Variants in TGFBR3 observed in about 807,000 individuals in gnomAD.
The protein encoded by TGFBR3 is transforming growth factor beta receptor 3.
Under a neutral mutation model 87.9 loss-of-function variants are expected in TGFBR3, and 46 were observed. That is an observed-to-expected ratio of 0.52 (90% confidence interval 0.41 to 0.67). TGFBR3 has a LOEUF of 0.67. Among genes scored for constraint, TGFBR3 ranks in the 30% least tolerant of loss-of-function variants. The probability of loss-of-function intolerance (pLI) is 0.00; values close to 1 mark genes in which losing one functional copy is unlikely to be tolerated. For missense variants in TGFBR3, 866 were observed against 1,041.9 expected (o/e 0.83, Z 2.32); for synonymous variants, 381 against 391.6 (o/e 0.97, Z 0.32).
At position 91,885,908 on chromosome 1, in the gene TGFBR3, C is replaced by T. The variant is rs923598556; in HGVS notation, c.-144G>A. On this transcript the variant is annotated 5_prime_UTR_variant, in exon 1 of 17. In the 5' UTR this introduces an upstream ATG that the reference lacks. Transcript: ENST00000212355. ...AGGCGGTGTGTCCAGCGGAGATCCACCCGCAGCAAGTTGGAGGAAAGCGGC... is the reference window on the plus strand; with the variant it reads ...AGGCGGTGTGTCCAGCGGAGATCCATCCGCAGCAAGTTGGAGGAAAGCGGC... 2.3e-6 allele frequency: 1 copy of T among 432,280 alleles called. No individual in the cohort carries two copies. Among genetic ancestry groups the T allele is most frequent in the African/African-American group, 2.0e-5 (1 of 49,640 alleles). The allele number at this position is 432,280 out of a possible 1,614,324, so 26.8% of individuals were successfully genotyped here. A position where few individuals can be genotyped will look rare whatever the true frequency, so the allele number is the denominator to read the frequency against.
intron 4 of TGFBR3, among the ~76,000 whole-genome samples, chr1:91,735,583 C>T (rs1043096299): frequency 6.6e-6 from 1 of 152,194 alleles, no homozygotes; most frequent in African/African-American, 2.4e-5. Flanking sequence ...GTAAGACCCC[C>T]AAATTCCCAT....
intron 1 of TGFBR3, among the ~76,000 whole-genome samples, chr1:91,884,742 A>G (rs1195508240): frequency 6.6e-6 from 1 of 152,240 alleles, no homozygotes; most frequent in Non-Finnish European, 1.5e-5. Context: ...GGGCTTAGAA[A>G]ACGTTAGCTG....
Position 91,716,608 on chromosome 1 carries a change from T to C in TGFBR3, c.1667A>G (p.Glu556Gly), listed in dbSNP as rs1370826989. 1.2e-6 allele frequency: 2 copies of C among 1,614,160 alleles called. No homozygotes were observed. Among genetic ancestry groups the C allele is most frequent in the Admixed American group, 3.3e-5 (2 of 60,020 alleles). The change falls in exon 11 of 17, where the codon GAA (glutamate) becomes GGA (glycine). Residue 556 changes from glutamate (E) to glycine (G), a missense_variant. Transcript: ENST00000212355. ...GDNGFPGDMD[E>G]GDASLFTRPE... The stretch of plus-strand genomic sequence containing the variant: ...TCGGGTGAACAGGGAAGCATCTCCT[T>C]CATCCATATCTCCCGGAAATCCATT...
Position 91,719,335 on chromosome 1 carries a change from C to G in TGFBR3, c.1543G>C (p.Asp515His). ...CGTRPRWSAL[D>H]GVVYYNSIVI... ...ACGGAGTTATAGTAGACCACACCAT[C>G]AAGGGCTGACCACCGGGGCCGAGTA... is the stretch of plus-strand genomic sequence containing the variant. Residue 515 changes from aspartate to histidine, a missense_variant, in exon 10 of 17, where the codon GAT becomes CAT. Asp to His is a moderately conservative substitution (Grantham distance 81, BLOSUM62 -1). Transcript: ENST00000212355. The G allele has an allele frequency of 1.2e-6, 2 of 1,614,104 alleles. No homozygotes were observed. Among genetic ancestry groups the G allele is most frequent in the African/African-American group, 2.7e-5 (2 of 75,024 alleles).
chr1:91,792,445 C>T lies in TGFBR3; in HGVS notation c.246+4842G>A, dbSNP rs1675230213. On this transcript the variant is annotated intron_variant, in intron 3 of 16. Coordinates refer to ENST00000212355, the MANE Select transcript of TGFBR3 (RefSeq NM_003243.5). ...TGCTCCTTTAATGTCAAAACAAATGCATAAATTTAAATGTCCATATCTTTT... is the reference window on the plus strand; with the variant it reads ...TGCTCCTTTAATGTCAAAACAAATGTATAAATTTAAATGTCCATATCTTTT... Among the ~76,000 whole-genome samples, 2 of 152,198 alleles carry T rather than the reference C, an allele frequency of 1.3e-5. 1 individual carries two copies. Among genetic ancestry groups the T allele is most frequent in the Admixed American group, 1.3e-4 (2 of 15,284 alleles).
rs993264848 is a variant in TGFBR3 at position 91,758,500 on chromosome 1, T to C, written c.384+113A>G. ...TGCATCCTCCAAATTTAACACTCTT[T>C]GGACTCTGGCATTATTTCAGTGAAA... On this transcript the variant is annotated intron_variant, in intron 4 of 16. Transcript: ENST00000212355. 8 of 1,279,716 alleles carry C rather than the reference T, an allele frequency of 6.3e-6. No individual in the cohort carries two copies. In the Middle Eastern group the frequency reaches 5.6e-4, roughly 89 times the overall value. The allele number at this position is 1,279,716 out of a possible 1,614,324, so 79.3% of individuals were successfully genotyped here.
chr1:91,776,809 T>C (rs1258993299), intron 3 of TGFBR3, among the ~76,000 whole-genome samples: 1 of 152,226 alleles, frequency 6.6e-6, no homozygotes, highest in Non-Finnish European at 1.5e-5. Context: ...CTTTGGGATT[T>C]GGAGCTCATT....
At chr1:91,687,972 TA>T in intron 16 of TGFBR3, among the ~76,000 whole-genome samples, 1 of 152,364 alleles carries the variant, frequency 6.6e-6, no homozygotes, top group African/African-American at 2.4e-5. Context: ...CTCCTAACTG[TA>T]ATTAATTCAC....
At chr1:91,856,146 T>C (rs1677940351) in intron 2 of TGFBR3, among the ~76,000 whole-genome samples, 1 of 152,148 alleles carries the variant, frequency 6.6e-6, no homozygotes, top group African/African-American at 2.4e-5. Flanking sequence ...CACTGCAAGC[T>C]CCGCCTCCCG....
rs1673032156 is a variant in TGFBR3 at position 91,738,295 on chromosome 1, A to G, written c.385-3336T>C. 2.6e-5 allele frequency among the ~76,000 whole-genome samples: 4 copies of G among 152,258 alleles called. No homozygotes were observed. The South Asian group carries it at 8.3e-4, about 32-fold the overall frequency. On this transcript the variant is annotated intron_variant, in intron 4 of 16. Coordinates refer to ENST00000212355, the MANE Select transcript of TGFBR3 (RefSeq NM_003243.5). ...ATCAGCTGAACCCTGCTATGATCTC[A>G]TATTTACTAATTGATATAGTTTGCA...
chr1:91,853,645 T>C (rs1346795227), intron 2 of TGFBR3, among the ~76,000 whole-genome samples: 1 of 152,134 alleles, frequency 6.6e-6, no homozygotes, highest in Non-Finnish European at 1.5e-5. Flanking sequence ...TGGAGGACAT[T>C]ATGCTCAGAG....
upstream of TGFBR3, among the ~76,000 whole-genome samples, chr1:91,886,462 G>A (rs1679321892): frequency 3.3e-5 from 5 of 152,232 alleles, no homozygotes; most frequent in Admixed American, 6.5e-5. Flanking sequence ...GGTTGGGGCG[G>A]CCCCTGTCCT....
chr1:91,704,338 AAAAAAGAAAG>A lies in TGFBR3; in HGVS notation c.2287+4315_2287+4324del, dbSNP rs1352574151. Among the ~76,000 whole-genome samples the A allele has an allele frequency of 8.6e-5, 13 of 151,984 alleles. No homozygotes were observed. In the East Asian group the frequency reaches 1.2e-3, roughly 14 times the overall value. On this transcript the variant is annotated intron_variant, in intron 14 of 16. Coordinates refer to ENST00000212355, the MANE Select transcript of TGFBR3 (RefSeq NM_003243.5). ...GTGAGACTTTGTCTCAAAAAAAAAA[AAAAAAGAAAG>A]AAAGAAAGAAAGAAAAGGGAGAAGT...
chr1:91,808,282 T>G (rs1675911137), intron 2 of TGFBR3, among the ~76,000 whole-genome samples: 1 of 152,152 alleles, frequency 6.6e-6, no homozygotes, highest in African/African-American at 2.4e-5. Flanking sequence ...TTTTTTTAAT[T>G]AAATTAAACT....
chr1:91,704,562 A>AT (rs1671731091), intron 14 of TGFBR3, among the ~76,000 whole-genome samples: 1 of 152,212 alleles, frequency 6.6e-6, no homozygotes, highest in Non-Finnish European at 1.5e-5. Flanking sequence ...ATCACTATAC[A>AT]GAGGTGCTAT....
Position 91,827,873 on chromosome 1 carries a change from T to C in TGFBR3, c.62-30402A>G, listed in dbSNP as rs74612498. On this transcript the variant is annotated intron_variant, in intron 2 of 16. Coordinates refer to ENST00000212355, the MANE Select transcript of TGFBR3 (RefSeq NM_003243.5). ...ACTCACTACTCAGTGAATGAATCGA[T>C]CCATTCAGTTTCTCTGACCCCCATC... 6.9e-3 allele frequency among the ~76,000 whole-genome samples: 1,058 copies of C among 152,278 alleles called. 4 individuals are homozygous for C. Among genetic ancestry groups the C allele is most frequent in the Middle Eastern group, 0.014 (4 of 294 alleles).
At position 91,768,122 on chromosome 1, in the gene TGFBR3, G is replaced by A. The variant is rs1390219855; in HGVS notation, c.247-9372C>T. On this transcript the variant is annotated intron_variant, in intron 3 of 16. Coordinates refer to ENST00000212355, the MANE Select transcript of TGFBR3 (RefSeq NM_003243.5). Reference sequence around the variant, plus strand: ...AGCTACTCAGGAGGCTGAGGCAGGAGAATCCCTTAAACCCAGGAGGCGGAA... The same window carrying A: ...AGCTACTCAGGAGGCTGAGGCAGGAAAATCCCTTAAACCCAGGAGGCGGAA... Among the ~76,000 whole-genome samples the A allele has an allele frequency of 3.3e-5, 5 of 150,436 alleles. No homozygotes were observed. The Admixed American group carries it at 3.3e-4, about 10-fold the overall frequency.
chr1:91,821,838 A>G (rs559065456), intron 2 of TGFBR3, among the ~76,000 whole-genome samples: 1 of 152,358 alleles, frequency 6.6e-6, no homozygotes, highest in South Asian at 2.1e-4. Context: ...AATGCATGCA[A>G]ATATACGATA....
intron 3 of TGFBR3, among the ~76,000 whole-genome samples, chr1:91,782,154 C>T (rs1674793514): frequency 6.6e-6 from 1 of 152,004 alleles, no homozygotes; most frequent in Non-Finnish European, 1.5e-5. Context: ...CACGGGGATG[C>T]TGGGCTCAGC....
Sources: gnomAD v4.1 joint callset for allele counts (sites outside exome capture counted in the v4.1 genomes callset) on GRCh38, gnomAD v4.1.1 for gene constraint, MANE v1.5 for transcripts, NCBI Gene and HGNC (gene_info 2026-07-23, HGNC 2026-07-21) for gene names.